MYO5A: variants seen among roughly 807,000 people sequenced by gnomAD.
MYO5A encodes the protein unconventional myosin-Va.
MYO5A carries 98 observed loss-of-function variants against 249.7 expected under a neutral mutation model. The observed-to-expected ratio is 0.39, with a 90% CI of 0.33 to 0.46. The LOEUF (loss-of-function observed/expected upper bound fraction) is 0.46. Among genes scored for constraint, MYO5A ranks in the 20% least tolerant of loss-of-function variants. The pLI, the probability that MYO5A is intolerant of heterozygous loss-of-function variation, is 0.98. For synonymous variants in MYO5A, 778 were observed against 810.6 expected, an observed-to-expected ratio of 0.96 and a Z score of 0.68; for missense variants, 1,696 against 2,308.8, an observed-to-expected ratio of 0.73 and a Z score of 5.44.
In MYO5A at chr15:52,442,972, C is replaced by T. The variant is rs553584482; in HGVS notation, c.28-9687G>A. On this transcript the variant is annotated intron_variant, in intron 1 of 41. Transcript: ENST00000399233. ...TTCACCGTGTTAGCCAGGACGGTCT[C>T]GATCTCCTGACCTTGTGATCCGCCT... Among the ~76,000 whole-genome samples the T allele has an allele frequency of 5.8e-4, 89 of 152,214 alleles. 1 individual carries two copies. Among genetic ancestry groups the T allele is most frequent in the Non-Finnish European group, 6.2e-4 (42 of 68,014 alleles).
At chr15:52,483,269 C>T (rs1335157702) in intron 1 of MYO5A, among the ~76,000 whole-genome samples, 1 of 152,182 alleles carries the variant, frequency 6.6e-6, no homozygotes, top group East Asian at 1.9e-4. Flanking sequence ...TCAAAAGGCC[C>T]TTACGAGTGA....
intron 1 of MYO5A, among the ~76,000 whole-genome samples, chr15:52,441,150 T>C (rs1271468345): frequency 6.6e-6 from 1 of 152,156 alleles, no homozygotes. Flanking sequence ...GTTTTTGGTA[T>C]AAAAAATTCA....
chr15:52,470,081 A>G (rs905831967), intron 1 of MYO5A, among the ~76,000 whole-genome samples: 6 of 152,228 alleles, frequency 3.9e-5, no homozygotes, highest in African/African-American at 1.4e-4. Context: ...TGGCTTTCAC[A>G]GCGTTTTCTA....
chr15:52,414,636 T>C (rs141856779), intron 5 of MYO5A, among the ~76,000 whole-genome samples: 43 of 152,200 alleles, frequency 2.8e-4, no homozygotes, highest in African/African-American at 9.9e-4. Context: ...ATTCAAGACT[T>C]TGGGATATTC....
At chr15:52,396,623 T>C (rs990593326) in intron 10 of MYO5A, among the ~76,000 whole-genome samples, 5 of 151,944 alleles carry the variant, frequency 3.3e-5, no homozygotes, top group South Asian at 4.2e-4. Context: ...GTTTTTTTTT[T>C]CCAAAGGCCC....
chr15:52,452,655 G>C lies in MYO5A; in HGVS notation c.28-19370C>G, dbSNP rs768691770. Among the ~76,000 whole-genome samples the C allele has an allele frequency of 5.9e-4, 90 of 151,610 alleles. 1 individual carries two copies. The highest frequency in any genetic ancestry group is 5.9e-4 in the Non-Finnish European group (40 of 68,006). Reference sequence around the variant, plus strand: ...TCCACACTGACAGGATATTCCCTTTGGGACCATCCTCATTCAGGATGGGCA... The same window carrying C: ...TCCACACTGACAGGATATTCCCTTTCGGACCATCCTCATTCAGGATGGGCA... On this transcript the variant is annotated intron_variant, in intron 1 of 41. Coordinates refer to ENST00000399233, the MANE Select transcript of MYO5A (RefSeq NM_001382347.1).
chr15:52,463,608 G>A (rs995528240), intron 1 of MYO5A, among the ~76,000 whole-genome samples: 1 of 151,910 alleles, frequency 6.6e-6, no homozygotes, highest in Admixed American at 6.6e-5. Flanking sequence ...TTGCTAACTT[G>A]TTCTACAGAT....
At chr15:52,507,946 T>C (rs2077309371) in intron 1 of MYO5A, among the ~76,000 whole-genome samples, 1 of 152,182 alleles carries the variant, frequency 6.6e-6, no homozygotes, top group African/African-American at 2.4e-5. Context: ...GGGACTCTAT[T>C]ATGATATGCC....
At position 52,351,318 on chromosome 15, in the gene MYO5A, C is replaced by A. The variant is rs754788532; in HGVS notation, c.3785G>T (p.Arg1262Leu). ...CCTTAAGATGAGGACTTCCTCCTTG[C>A]GGACATCAAGCTCCTCGCTCACAGA... is the stretch of plus-strand genomic sequence containing the variant. The part of the protein sequence containing the change: ...LTSVSEELDV[R>L]KEEVLILRSQ... Residue 1262 changes from arginine (R) to leucine (L), a missense_variant, in exon 28 of 42, where the codon CGC becomes CTC. By Grantham distance (102) the Arg-to-Leu change is moderately radical. Around this residue, in one of 5 missense-constraint regions of MYO5A, gnomAD observed 625 missense variants for 908.1 expected, o/e 0.69. Transcript: ENST00000399233. The A allele has an allele frequency of 1.9e-6, 3 of 1,614,030 alleles. No individual in the cohort carries two copies. The highest frequency in any genetic ancestry group is 2.5e-6 in the Non-Finnish European group (3 of 1,180,032).
chr15:52,356,951 C>A (rs1414196284), intron 25 of MYO5A, among the ~76,000 whole-genome samples: 1 of 151,818 alleles, frequency 6.6e-6, no homozygotes, highest in Non-Finnish European at 1.5e-5. Flanking sequence ...TATAGGCTGT[C>A]AAAGTCATTT....
intron 1 of MYO5A, among the ~76,000 whole-genome samples, chr15:52,509,861 A>G (rs1181850495): frequency 1.3e-5 from 2 of 152,114 alleles, no homozygotes; most frequent in Non-Finnish European, 1.5e-5. Context: ...CAAGTGAACA[A>G]TCTGTGCCAT....
At chr15:52,334,839 A>C (rs1025917165) in intron 34 of MYO5A, among the ~76,000 whole-genome samples, 2 of 152,246 alleles carry the variant, frequency 1.3e-5, no homozygotes, top group Admixed American at 1.3e-4. Flanking sequence ...AGACCATAAA[A>C]GATGTCGGCC....
In MYO5A at chr15:52,397,378, G is replaced by T. The variant is rs764834299; in HGVS notation, c.1142C>A (p.Ala381Asp). ...MCHWLCHRKL[A>D]TATETYIKPI... is the part of the protein sequence containing the mutation. ...CTTGATGTATGTCTCTGTGGCAGTA[G>T]CCAGTTTCCGATGGCAGAGCCAGTG... Residue 381 changes from alanine to aspartate, a missense_variant, in exon 10 of 42, where the codon GCT (alanine) becomes GAT (aspartate). Ala to Asp is a moderately radical substitution (Grantham distance 126). Transcript: ENST00000399233. 6.2e-7 allele frequency: 1 copy of T among 1,614,094 alleles called. No homozygotes were observed. Among genetic ancestry groups the T allele is most frequent in the South Asian group, 1.1e-5 (1 of 91,076 alleles).
rs201875293 is a variant in MYO5A at position 52,425,820 on chromosome 15, T to G, written c.455+10A>C. 2 of 1,613,788 alleles carry G rather than the reference T, an allele frequency of 1.2e-6. No individual in the cohort carries two copies. Among genetic ancestry groups the G allele is most frequent in the Non-Finnish European group, 8.5e-7 (1 of 1,179,792 alleles). On this transcript the variant is annotated intron_variant, in intron 4 of 41. Coordinates refer to ENST00000399233, the MANE Select transcript of MYO5A (RefSeq NM_001382347.1). ...ACTGCCATAAAATAACAATGAAAGC[T>G]TCTACCAACCTGGCCATTTGCTTGT...
At chr15:52,528,991 G>A, upstream of MYO5A, 1 of 299,780 alleles carries the variant, frequency 3.3e-6, no homozygotes, top group Non-Finnish European at 5.3e-6. Flanking sequence ...GCCCGCAGGG[G>A]CCTCGCCATC....
intron 1 of MYO5A, among the ~76,000 whole-genome samples, chr15:52,517,518 C>G (rs2077519323): frequency 6.6e-6 from 1 of 152,146 alleles, no homozygotes; most frequent in Non-Finnish European, 1.5e-5. Context: ...AATCCCGTCT[C>G]TACTAAAAGT....
intron 1 of MYO5A, among the ~76,000 whole-genome samples, chr15:52,444,182 T>C (rs1268543940): frequency 1.3e-5 from 2 of 152,222 alleles, no homozygotes; most frequent in Admixed American, 6.5e-5. Context: ...TTAGACACTG[T>C]AGTTATTTAA....
chr15:52,452,994 A>T (rs552576812), intron 1 of MYO5A, among the ~76,000 whole-genome samples: 1 of 152,280 alleles, frequency 6.6e-6, no homozygotes, highest in East Asian at 1.9e-4. Flanking sequence ...TGAGGGAAAG[A>T]AGGCTTATTC....
At chr15:52,512,704 T>C (rs2077416611) in intron 1 of MYO5A, among the ~76,000 whole-genome samples, 1 of 152,232 alleles carries the variant, frequency 6.6e-6, no homozygotes. Context: ...AGTTCCCAAG[T>C]AATTTTGTGA....
Sources: gnomAD v4.1 joint callset for allele counts (sites outside exome capture counted in the v4.1 genomes callset) on GRCh38, gnomAD v4.1.1 for gene constraint, gnomAD v4.1.1 regional missense constraint, MANE v1.5 for transcripts, NCBI Gene and HGNC (gene_info 2026-07-23, HGNC 2026-07-21) for gene names.